Variants in DOCK4 observed in about 807,000 individuals in gnomAD.
The protein encoded by DOCK4 is dedicator of cytokinesis protein 4.
Under a neutral mutation model 268.1 loss-of-function variants are expected in DOCK4, and 97 were observed. The observed-to-expected ratio is 0.36, with a 90% CI of 0.31 to 0.43. The LOEUF is 0.43. DOCK4 is among the 20% of genes least tolerant of loss of function. DOCK4 has a pLI of 1.00. For synonymous variants in DOCK4, 954 were observed against 887.2 expected, an observed-to-expected ratio of 1.08 and a Z score of -1.34; for missense variants, 2,145 against 2,455.7, an observed-to-expected ratio of 0.87 and a Z score of 2.67.
At chr7:112,030,048 T>TC (rs1803141547) in intron 1 of DOCK4, among the ~76,000 whole-genome samples, 1 of 152,224 alleles carries the variant, frequency 6.6e-6, no homozygotes, top group African/African-American at 2.4e-5. Flanking sequence ...CTTCATGGTA[T>TC]CAAGAACCCT....
At chr7:111,729,328 T>TGCAGGGATCACTTGAG in intron 52 of DOCK4, among the ~76,000 whole-genome samples, 1 of 152,074 alleles carries the variant, frequency 6.6e-6, no homozygotes. Flanking sequence ...AGAAGGCCGA[T>TGCAGGGATCACTTGAG]GCAGGGATCA....
chr7:112,031,531 C>G (rs1336989867), intron 1 of DOCK4, among the ~76,000 whole-genome samples: 1 of 152,114 alleles, frequency 6.6e-6, no homozygotes, highest in Admixed American at 6.6e-5. Flanking sequence ...AAAACCAGGC[C>G]CAATTCTTAT....
intron 35 of DOCK4, among the ~76,000 whole-genome samples, chr7:111,780,238 A>G (rs1171673635): frequency 1.3e-5 from 2 of 152,148 alleles, no homozygotes; most frequent in Non-Finnish European, 2.9e-5. Context: ...AGACACTGAT[A>G]TTAAGTCAAA....
At chr7:112,076,627 T>C (rs1006760679) in intron 1 of DOCK4, among the ~76,000 whole-genome samples, 3 of 152,164 alleles carry the variant, frequency 2.0e-5, no homozygotes, top group Non-Finnish European at 4.4e-5. Flanking sequence ...CCTCATCTTG[T>C]TGGGAAGTTT....
intron 44 of DOCK4, among the ~76,000 whole-genome samples, chr7:111,745,058 G>C (rs564876917): frequency 6.6e-6 from 1 of 152,174 alleles, no homozygotes; most frequent in African/African-American, 2.4e-5. Context: ...TTTAACACAG[G>C]CTTCCAACCA....
At chr7:112,039,192 A>G (rs1804128202) in intron 1 of DOCK4, among the ~76,000 whole-genome samples, 1 of 151,976 alleles carries the variant, frequency 6.6e-6, no homozygotes, top group Admixed American at 6.6e-5. Context: ...GATGCATTCC[A>G]CTCTTAAGTA....
intron 32 of DOCK4, among the ~76,000 whole-genome samples, chr7:111,786,168 C>A (rs1799149698): frequency 6.6e-6 from 1 of 152,122 alleles, no homozygotes; most frequent in Non-Finnish European, 1.5e-5. Context: ...AATGTGGAGT[C>A]TTATTGAATT....
At position 111,847,051 on chromosome 7, in the gene DOCK4, A is replaced by G. The variant is rs1460613586; in HGVS notation, c.2549T>C (p.Met850Thr). The change falls in exon 24 of 53, where the codon ATG becomes ACG. Residue 850 changes from methionine to threonine, a missense_variant. Physicochemically the swap from Met to Thr is moderately conservative, Grantham distance 81. Around this residue, in one of 2 missense-constraint regions of DOCK4, gnomAD observed 1,598 missense variants for 1,986.7 expected, o/e 0.80. Coordinates refer to ENST00000428084, the MANE Select transcript of DOCK4 (RefSeq NM_001363540.2). ...TACGTTGCTAAGGATACGTGCACAC[A>G]TGATCAGGTCCTTCTGTTCTTGCAA... The part of the protein sequence containing the change: ...IHLQEQKDLI[M>T]CARILSNVFC... The G allele has an allele frequency of 3.1e-6, 5 of 1,613,774 alleles. No homozygotes were observed. Among genetic ancestry groups the G allele is most frequent in the Admixed American group, 3.3e-5 (2 of 60,000 alleles).
At chr7:112,106,046 A>C (rs550300010) in intron 1 of DOCK4, among the ~76,000 whole-genome samples, 3 of 152,186 alleles carry the variant, frequency 2.0e-5, no homozygotes, top group African/African-American at 7.2e-5. Context: ...AACGGACCAC[A>C]ACAGATTCTG....
At chr7:112,137,908 C>T (rs1814513294) in intron 1 of DOCK4, among the ~76,000 whole-genome samples, 1 of 152,190 alleles carries the variant, frequency 6.6e-6, no homozygotes, top group East Asian at 1.9e-4. Context: ...GTGCATTACA[C>T]TGGATAATAC....
intron 1 of DOCK4, among the ~76,000 whole-genome samples, chr7:112,190,019 T>C (rs185430905): frequency 6.6e-6 from 1 of 152,316 alleles, no homozygotes; most frequent in Admixed American, 6.5e-5. Context: ...TGTTTTCCTC[T>C]GTGGATGTCG....
chr7:111,995,457 GTA>G (rs1352337644), intron 4 of DOCK4, among the ~76,000 whole-genome samples: 3,891 of 23,980 alleles, frequency 0.16, 135 homozygotes, highest in East Asian at 0.49. Flanking sequence ...GTGTGTGTGT[GTA>G]TGTGCAGGTG....
At chr7:111,917,800 T>A (rs1403345700) in intron 12 of DOCK4, among the ~76,000 whole-genome samples, 1 of 152,122 alleles carries the variant, frequency 6.6e-6, no homozygotes, top group Non-Finnish European at 1.5e-5. Context: ...TTATTACTTA[T>A]CACATTTCTC....
chr7:111,946,604 C>A (rs1795642101), intron 8 of DOCK4, among the ~76,000 whole-genome samples: 1 of 152,170 alleles, frequency 6.6e-6, no homozygotes, highest in African/African-American at 2.4e-5. Context: ...TATTTTGAGA[C>A]AGAGTCTTGC....
At chr7:112,070,414 T>C (rs1345878089) in intron 1 of DOCK4, among the ~76,000 whole-genome samples, 1 of 152,140 alleles carries the variant, frequency 6.6e-6, no homozygotes, top group Admixed American at 6.5e-5. Context: ...CTGTGGTTTT[T>C]GCCATTAAAA....
At chr7:111,886,607 G>T (rs1382836642) in intron 16 of DOCK4, among the ~76,000 whole-genome samples, 1 of 151,908 alleles carries the variant, frequency 6.6e-6, no homozygotes, top group Non-Finnish European at 1.5e-5. Flanking sequence ...GCAGGCAAGG[G>T]AGGAAAAGTC....
chr7:111,749,953 A>T (rs1796522260), intron 42 of DOCK4, among the ~76,000 whole-genome samples: 1 of 152,212 alleles, frequency 6.6e-6, no homozygotes, highest in Admixed American at 6.5e-5. Flanking sequence ...CTTTTGATTA[A>T]TTCACTTCTA....
At chr7:111,756,924 A>G (rs908838594) in intron 41 of DOCK4, among the ~76,000 whole-genome samples, 1 of 152,074 alleles carries the variant, frequency 6.6e-6, no homozygotes, top group Non-Finnish European at 1.5e-5. Context: ...TTTGGGGGCC[A>G]ACAGAGGGGG....
intron 30 of DOCK4, among the ~76,000 whole-genome samples, chr7:111,801,891 C>T (rs1306562965): frequency 1.7e-4 from 25 of 144,132 alleles, no homozygotes; most frequent in African/African-American, 3.9e-4. Flanking sequence ...TTAGTAGAGA[C>T]GGGGTTTCAC....
Sources: gnomAD v4.1 joint callset for allele counts (sites outside exome capture counted in the v4.1 genomes callset) on GRCh38, gnomAD v4.1.1 for gene constraint, gnomAD v4.1.1 regional missense constraint, MANE v1.5 for transcripts, NCBI Gene and HGNC (gene_info 2026-07-23, HGNC 2026-07-21) for gene names.